Variants in NEMP2 observed in about 807,000 individuals in gnomAD.
NEMP2 encodes the protein nuclear envelope integral membrane protein 2, also known as UPF0571 transmembrane protein.
A neutral mutation model predicts 54.2 loss-of-function variants in NEMP2; 53 were observed. That is an observed-to-expected ratio of 0.98 (90% CI 0.78 to 1.23). The LOEUF (loss-of-function observed/expected upper bound fraction) is 1.23. Among genes scored for constraint, NEMP2 ranks in the 50% most tolerant of loss-of-function variants. The pLI is 0.00. For missense variants in NEMP2, 455 were observed against 511.3 expected, an observed-to-expected ratio of 0.89 and a Z score of 1.06; for synonymous variants, 197 against 190.3, an observed-to-expected ratio of 1.04 and a Z score of -0.29.
chr2:190,646,284 G>A, the NEMP2 span, among the ~76,000 whole-genome samples: 1 of 152,198 alleles, frequency 6.6e-6, no homozygotes, highest in Non-Finnish European at 1.5e-5. Context: ...TTACCTTCCA[G>A]GATGGAATGT....
At chr2:190,500,223 A>G (rs371140826), downstream of NEMP2, 64 of 1,613,900 alleles carry the variant, frequency 4.0e-5, no homozygotes, top group Non-Finnish European at 4.8e-5. The surrounding 1 kb of genome is among the most constrained non-coding windows in gnomAD (Gnocchi z 5.3). Flanking sequence ...CACTGAGGGC[A>G]TCCTGCTCAT....
At chr2:190,547,843 CTTCTTA>C in the NEMP2 span, among the ~76,000 whole-genome samples, 2 of 152,074 alleles carry the variant, frequency 1.3e-5, no homozygotes, top group Non-Finnish European at 2.9e-5. The surrounding 1 kb of genome is among the most constrained non-coding windows in gnomAD (Gnocchi z 6.2). Flanking sequence ...TCCACAAATA[CTTCTTA>C]TTCTTATAAT....
At chr2:190,636,065 A>C in the NEMP2 span, among the ~76,000 whole-genome samples, 2 of 152,036 alleles carry the variant, frequency 1.3e-5, no homozygotes, top group African/African-American at 2.4e-5. Flanking sequence ...GGATCTCATT[A>C]TATTGCTCAG....
At chr2:190,542,368 C>T in the NEMP2 span, among the ~76,000 whole-genome samples, 1 of 152,146 alleles carries the variant, frequency 6.6e-6, no homozygotes, top group Admixed American at 6.5e-5. The surrounding 1 kb of genome is among the most constrained non-coding windows in gnomAD (Gnocchi z 4.6). Flanking sequence ...TGCACCACCA[C>T]ACCCAGCTGA....
the NEMP2 span, among the ~76,000 whole-genome samples, chr2:190,421,760 T>C: frequency 1.3e-5 from 2 of 152,104 alleles, no homozygotes; most frequent in Non-Finnish European, 2.9e-5. Flanking sequence ...GGGATCTCAC[T>C]ATGTTGCCCA....
At position 190,514,958 on chromosome 2, in the gene NEMP2, TATC is replaced by T. The variant is rs1170115749; in HGVS notation, c.728-283_728-281del. Among the ~76,000 whole-genome samples the T allele has an allele frequency of 2.0e-5, 3 of 152,208 alleles. No homozygotes were observed. The highest frequency in any genetic ancestry group is 7.2e-5 in the African/African-American group (3 of 41,462). On this transcript the variant is annotated intron_variant, in intron 6 of 8. Coordinates refer to ENST00000409150, the MANE Select transcript of NEMP2 (RefSeq NM_001142645.2). This position sits in a 1 kb window ranked among gnomAD's most constrained non-coding sequence, Gnocchi z 5.7. Reference sequence around the variant, plus strand: ...CAGCACCCTGGCTGGACTAAAATGTTATCATGGTTACTTTGGTCAGGAAGAAGT... The same window carrying T: ...CAGCACCCTGGCTGGACTAAAATGTTATGGTTACTTTGGTCAGGAAGAAGT...
At position 190,531,985 on chromosome 2, in the gene NEMP2, A is replaced by C. The variant is rs541189176; in HGVS notation, c.97+2574T>G. On this transcript the variant is annotated intron_variant, in intron 1 of 8. Coordinates refer to ENST00000409150, the MANE Select transcript of NEMP2 (RefSeq NM_001142645.2). The surrounding 1 kb of genome is among the most constrained non-coding windows in gnomAD (Gnocchi z 4.7). ...GACATGGCCCTCATATGGGGAAAAA[A>C]AATATCTTCAGATGAAACTAGAATG... 1.3e-5 allele frequency among the ~76,000 whole-genome samples: 2 copies of C among 152,230 alleles called. No individual in the cohort carries two copies. Among genetic ancestry groups the C allele is most frequent in the South Asian group, 4.2e-4 (2 of 4,818 alleles).
At chr2:190,499,195 T>C in the NEMP2 span, among the ~76,000 whole-genome samples, 1 of 152,150 alleles carries the variant, frequency 6.6e-6, no homozygotes, top group East Asian at 1.9e-4. This position sits in a 1 kb window ranked among gnomAD's most constrained non-coding sequence, Gnocchi z 6.0. Context: ...GTTTCTGGTA[T>C]GTTAGGATTA....
chr2:190,462,634 G>A, the NEMP2 span, among the ~76,000 whole-genome samples: 2 of 152,164 alleles, frequency 1.3e-5, no homozygotes, highest in Non-Finnish European at 2.9e-5. This position sits in a 1 kb window ranked among gnomAD's most constrained non-coding sequence, Gnocchi z 5.7. Flanking sequence ...AACAAAGAGT[G>A]TAGCAGAGGA....
At position 190,519,080 on chromosome 2, in the gene NEMP2, T is replaced by TC; in HGVS notation, c.316_317insG (p.His106ArgfsTer2). ...AGATTCCTTTGGTATCCAAAAGTTA[T>TC]GAATCACACATTTGATAAAAGATAG... On this transcript the variant is annotated frameshift_variant, in exon 3 of 9. Coordinates refer to ENST00000409150, the MANE Select transcript of NEMP2 (RefSeq NM_001142645.2). LOFTEE classifies it high-confidence loss of function. This position sits in a 1 kb window ranked among gnomAD's most constrained non-coding sequence, Gnocchi z 5.4. The TC allele has an allele frequency of 1.3e-6, 2 of 1,550,926 alleles. No individual in the cohort carries two copies. The highest frequency in any genetic ancestry group is 1.7e-6 in the Non-Finnish European group (2 of 1,146,486).
chr2:190,596,230 C>A, the NEMP2 span, among the ~76,000 whole-genome samples: 1 of 152,092 alleles, frequency 6.6e-6, no homozygotes, highest in Non-Finnish European at 1.5e-5. This position sits in a 1 kb window ranked among gnomAD's most constrained non-coding sequence, Gnocchi z 5.1. Context: ...AAGGGAACAT[C>A]ACACATTGGG....
chr2:190,603,039 T>C, the NEMP2 span, among the ~76,000 whole-genome samples: 1 of 152,198 alleles, frequency 6.6e-6, no homozygotes, highest in African/African-American at 2.4e-5. Flanking sequence ...ACTTTGAATC[T>C]CATGAAATTT....
At chr2:190,561,747 G>A in the NEMP2 span, among the ~76,000 whole-genome samples, 169 of 152,034 alleles carry the variant, frequency 1.1e-3, no homozygotes, top group Admixed American at 2.9e-3. This position sits in a 1 kb window ranked among gnomAD's most constrained non-coding sequence, Gnocchi z 5.4. Context: ...TCAAATACAG[G>A]CATTTATATA....
the NEMP2 span, among the ~76,000 whole-genome samples, chr2:190,425,322 G>A: frequency 6.6e-6 from 1 of 152,072 alleles, no homozygotes; most frequent in Non-Finnish European, 1.5e-5. The surrounding 1 kb of genome is among the most constrained non-coding windows in gnomAD (Gnocchi z 4.3). Flanking sequence ...TATGTCTTTT[G>A]TTTTCTTTTA....
rs1429773496 is a variant in NEMP2, at chr2:190,525,709, G to A, written c.98-331C>T. 2.0e-5 allele frequency among the ~76,000 whole-genome samples: 3 copies of A among 152,146 alleles called. No individual in the cohort carries two copies. Among genetic ancestry groups the A allele is most frequent in the African/African-American group, 4.8e-5 (2 of 41,436 alleles). On this transcript the variant is annotated intron_variant, in intron 1 of 8. Coordinates refer to ENST00000409150, the MANE Select transcript of NEMP2 (RefSeq NM_001142645.2). This position sits in a 1 kb window ranked among gnomAD's most constrained non-coding sequence, Gnocchi z 5.0. The stretch of plus-strand genomic sequence containing the variant: ...GTAAAGGGCTGAAGGGCAAGGTAGA[G>A]GCAATAAGACAGAAACTAGGAGGTG...
the NEMP2 span, among the ~76,000 whole-genome samples, chr2:190,428,356 C>T: frequency 6.6e-6 from 1 of 152,186 alleles, no homozygotes; most frequent in Non-Finnish European, 1.5e-5. Context: ...TAGGGTCTTA[C>T]ACTCAGGATT....
the NEMP2 span, among the ~76,000 whole-genome samples, chr2:190,476,569 G>A: frequency 1.3e-5 from 2 of 152,192 alleles, no homozygotes; most frequent in Middle Eastern, 3.2e-3. Flanking sequence ...TGCTGGAGAG[G>A]ATGTGGAGAA....
chr2:190,606,285 C>A, the NEMP2 span, among the ~76,000 whole-genome samples: 1 of 152,208 alleles, frequency 6.6e-6, no homozygotes, highest in Non-Finnish European at 1.5e-5. Context: ...CTGGAAACAT[C>A]ACTTGTGTAC....
the NEMP2 span, among the ~76,000 whole-genome samples, chr2:190,430,880 C>A: frequency 6.6e-6 from 1 of 150,526 alleles, no homozygotes; most frequent in Admixed American, 6.6e-5. Flanking sequence ...GGGCGGCTGC[C>A]GGGCGGAGAC....
Sources: gnomAD v4.1 joint callset for allele counts (sites outside exome capture counted in the v4.1 genomes callset) on GRCh38, gnomAD v4.1.1 for gene constraint, Gnocchi (gnomAD v3.1) non-coding constraint, MANE v1.5 for transcripts, NCBI Gene and HGNC (gene_info 2026-07-23, HGNC 2026-07-21) for gene names.